PLEKHH2: variants seen among roughly 807,000 people sequenced by gnomAD.
The protein encoded by PLEKHH2 is pleckstrin homology, MyTH4 and FERM domain containing H2.
In PLEKHH2, 129 loss-of-function variants were observed where a neutral mutation model predicts 187.9. The ratio of observed to expected loss-of-function variants is 0.69; its 90% confidence interval spans 0.59 to 0.79. PLEKHH2 has a LOEUF of 0.79. Among genes scored for constraint, PLEKHH2 ranks in the 30% least tolerant of loss-of-function variants. PLEKHH2 has a pLI of 0.00. For missense variants in PLEKHH2, 2,076 were observed against 1,751.2 expected, an observed-to-expected ratio of 1.19 and a Z score of -3.31; for synonymous variants, 686 against 605.6, an observed-to-expected ratio of 1.13 and a Z score of -1.95.
Position 43,742,818 on chromosome 2 carries a change from G to T in PLEKHH2, c.3299G>T (p.Arg1100Ile), listed in dbSNP as rs780607711. 6.2e-7 allele frequency: 1 copy of T among 1,607,906 alleles called. No individual in the cohort carries two copies. Among genetic ancestry groups the T allele is most frequent in the South Asian group, 1.1e-5 (1 of 89,760 alleles). ...RTQQNGDREARPSRMEILSTL... is the reference protein window; with the variant it reads ...RTQQNGDREAIPSRMEILSTL... ...CAACAAAATGGTGACAGAGAAGCAAGACCCTCAAGGATGGAAATTCTTTCA... is the reference window on the plus strand; with the variant it reads ...CAACAAAATGGTGACAGAGAAGCAATACCCTCAAGGATGGAAATTCTTTCA... The change falls in exon 22 of 30, where the codon AGA becomes ATA. Residue 1100 changes from arginine to isoleucine, a missense_variant. Physicochemically the swap from Arg to Ile is moderately conservative, Grantham distance 97 (BLOSUM62 -3). Transcript: ENST00000282406.
intron 1 of PLEKHH2, among the ~76,000 whole-genome samples, chr2:43,643,342 G>A (rs971135025): frequency 6.6e-6 from 1 of 152,048 alleles, no homozygotes; most frequent in Non-Finnish European, 1.5e-5. Flanking sequence ...ACATCTGAAG[G>A]CTTTAAGAAG....
intron 24 of PLEKHH2, among the ~76,000 whole-genome samples, chr2:43,747,351 G>T (rs1346118080): frequency 6.6e-6 from 1 of 152,178 alleles, no homozygotes; most frequent in Admixed American, 6.5e-5. Context: ...ACAACAGTGA[G>T]CCTGACCTAG....
chr2:43,709,620 G>A (rs1198909272), intron 11 of PLEKHH2, among the ~76,000 whole-genome samples: 2 of 152,100 alleles, frequency 1.3e-5, no homozygotes, highest in Non-Finnish European at 1.5e-5. Context: ...GGCGGATCAC[G>A]AGGTCAAGAG....
intron 20 of PLEKHH2, among the ~76,000 whole-genome samples, chr2:43,739,191 G>A (rs1007077528): frequency 6.6e-6 from 1 of 152,018 alleles, no homozygotes; most frequent in Non-Finnish European, 1.5e-5. Flanking sequence ...GCGCCCACCA[G>A]GAACCTAAAT....
chr2:43,759,713 A>G (rs927884152), intron 27 of PLEKHH2, among the ~76,000 whole-genome samples: 1 of 152,164 alleles, frequency 6.6e-6, no homozygotes, highest in Non-Finnish European at 1.5e-5. Context: ...ATTAAATTGC[A>G]TGCTCCTTGA....
intron 15 of PLEKHH2, among the ~76,000 whole-genome samples, chr2:43,715,563 G>A (rs184571895): frequency 1.5e-3 from 225 of 152,278 alleles, no homozygotes; most frequent in Non-Finnish European, 2.3e-3. Context: ...CTATGAAGAG[G>A]ATGAAACTCT....
intron 16 of PLEKHH2, among the ~76,000 whole-genome samples, chr2:43,724,727 T>A (rs1044717418): frequency 6.6e-6 from 1 of 152,180 alleles, no homozygotes. Flanking sequence ...ATTTTTCTTT[T>A]CAATAAGCAG....
chr2:43,710,929 T>C, intron 14 of PLEKHH2: 2 of 1,024,098 alleles, frequency 2.0e-6, no homozygotes, highest in Non-Finnish European at 2.3e-6. Context: ...TAATGTACTG[T>C]GAAATTCAGG....
At chr2:43,759,144 A>C in intron 27 of PLEKHH2, 115 bp downstream of exon 27, 1 of 1,387,456 alleles carries the variant, frequency 7.2e-7, no homozygotes. Context: ...ATATCCAATA[A>C]TGTAAAGAAA....
Position 43,765,510 on chromosome 2 carries a change from C to T in PLEKHH2, c.4394C>T (p.Ala1465Val). ...HHLSAPALLS[A>V]QTRGPQARMM... ...CTCTCTGCTCCAGCACTGCTCTCAG[C>T]CCAGACCCGGGGACCCCAAGCCAGA... Residue 1465 changes from alanine to valine, a missense_variant, in exon 30 of 30, where the codon GCC becomes GTC. By Grantham distance (64) the Ala-to-Val change is moderately conservative. Transcript: ENST00000282406. 6.2e-7 allele frequency: 1 copy of T among 1,614,122 alleles called. No homozygotes were observed. The highest frequency in any genetic ancestry group is 8.5e-7 in the Non-Finnish European group (1 of 1,180,006).
chr2:43,764,098 A>T (rs1459353059), intron 28 of PLEKHH2, 130 bp from the exon 29 acceptor site: 2 of 527,838 alleles, frequency 3.8e-6, no homozygotes, highest in African/African-American at 4.0e-5. Flanking sequence ...ATTTTATTTT[A>T]GAAAATAATT....
At chr2:43,666,771 C>T (rs1431909296) in intron 2 of PLEKHH2, among the ~76,000 whole-genome samples, 1 of 152,172 alleles carries the variant, frequency 6.6e-6, no homozygotes, top group Non-Finnish European at 1.5e-5. Flanking sequence ...AAGTATCTGT[C>T]TAAATCCTTT....
intron 2 of PLEKHH2, chr2:43,675,909 G>T (rs1234372102): frequency 1.9e-6 from 3 of 1,613,998 alleles, no homozygotes; most frequent in Non-Finnish European, 2.5e-6. Context: ...GTGCAAGGAA[G>T]AACCAGTTGT....
rs145991437 is a variant in PLEKHH2, at chr2:43,706,343, A to G, written c.1748A>G (p.Tyr583Cys). ...TCAGATTCTGCTGCAACCCTTTCCT[A>G]TACTACATCAGGACTTTATACATCT... ...VNKNSAATLS[Y>C]TTSGLYTSLI... Residue 583 changes from tyrosine to cysteine, a missense_variant, in exon 10 of 30, where the codon TAT becomes TGT. Transcript: ENST00000282406. 63 of 1,609,132 alleles carry G rather than the reference A, an allele frequency of 3.9e-5. No homozygotes were observed. The African/African-American group carries it at 7.9e-4, about 20-fold the overall frequency.
chr2:43,694,440 A>G lies in PLEKHH2; in HGVS notation c.346A>G (p.Arg116Gly). The G allele has an allele frequency of 5.8e-6, 9 of 1,557,652 alleles. No individual in the cohort carries two copies. Among genetic ancestry groups the G allele is most frequent in the Non-Finnish European group, 7.9e-6 (9 of 1,145,492 alleles). The change falls in exon 5 of 30, where the codon AGA (arginine) becomes GGA (glycine). Residue 116 changes from arginine to glycine, a missense_variant. By Grantham distance (125) the Arg-to-Gly change is moderately radical. Transcript: ENST00000282406. The part of the protein sequence containing the change: ...ELQLEEQKQI[R>G]IQEAKIIEEK... ...GCTATTGTTATTTCAGAAACAAATA[A>G]GAATACAAGAAGCTAAAATAATAGA...
intron 3 of PLEKHH2, among the ~76,000 whole-genome samples, chr2:43,682,464 G>A (rs963407469): frequency 5.3e-5 from 8 of 151,614 alleles, no homozygotes; most frequent in Non-Finnish European, 7.4e-5. Flanking sequence ...CCACCACCAC[G>A]CCTGGCTAAT....
At chr2:43,763,946 G>A (rs1198452460) in intron 28 of PLEKHH2, among the ~76,000 whole-genome samples, 3 of 152,036 alleles carry the variant, frequency 2.0e-5, no homozygotes, top group Non-Finnish European at 2.9e-5. Context: ...CTTTCCACTA[G>A]ATGCTGGAAT....
At position 43,743,918 on chromosome 2, in the gene PLEKHH2, T is replaced by C; in HGVS notation, c.3484T>C (p.Ser1162Pro). Reference protein sequence around the residue: ...QDTGMRKPAQSGFALFTDDPS... With the variant: ...QDTGMRKPAQPGFALFTDDPS... ...CACAGGAATGAGGAAACCAGCGCAGTCTGGATTTGCGTTGTTCACTGACGA... is the reference window on the plus strand; with the variant it reads ...CACAGGAATGAGGAAACCAGCGCAGCCTGGATTTGCGTTGTTCACTGACGA... The change falls in exon 23 of 30, where the codon TCT becomes CCT. Residue 1162 changes from serine (S) to proline (P), a missense_variant. Transcript: ENST00000282406. The C allele has an allele frequency of 6.2e-7, 1 of 1,614,138 alleles. No individual in the cohort carries two copies. Among genetic ancestry groups the C allele is most frequent in the Non-Finnish European group, 8.5e-7 (1 of 1,179,972 alleles).
intron 2 of PLEKHH2, among the ~76,000 whole-genome samples, 154 bp from the exon 3 acceptor site, chr2:43,678,703 AGAGAGG>A (rs1401517172): frequency 1.3e-5 from 2 of 149,838 alleles, no homozygotes; most frequent in Non-Finnish European, 3.0e-5. Flanking sequence ...GACCATGGAA[AGAGAGG>A]GAGAGGGAGA....
Sources: allele counts gnomAD v4.1 joint callset (sites outside exome capture counted in the v4.1 genomes callset), GRCh38; gene constraint gnomAD v4.1.1; transcripts MANE v1.5; gene names NCBI Gene and HGNC (gene_info 2026-07-23, HGNC 2026-07-21).